The following ABLIM1 variants were observed in gnomAD, a reference collection of about 807,000 sequenced individuals.
ABLIM1 encodes actin-binding LIM protein 1.
In ABLIM1, 40 loss-of-function variants were observed where a neutral mutation model predicts 107.0. That is an observed-to-expected ratio of 0.37 (90% CI 0.29 to 0.49). The LOEUF is 0.49. ABLIM1 is among the 20% of genes least tolerant of loss of function. The pLI, the probability that ABLIM1 is intolerant of heterozygous loss-of-function variation, is 0.97. For synonymous variants in ABLIM1, 357 were observed against 357.3 expected, an observed-to-expected ratio of 1.00 and a Z score of 0.01; for missense variants, 857 against 1,008.5, an observed-to-expected ratio of 0.85 and a Z score of 2.04.
rs116617044 is a variant in ABLIM1 at position 114,521,845 on chromosome 10, A to C, written c.894+23160T>G. Reference sequence around the variant, plus strand: ...AGTGACAGATACTAGACATGGATACAAGCAGATAAGAATTCCAGATAGTCG... The same window carrying C: ...AGTGACAGATACTAGACATGGATACCAGCAGATAAGAATTCCAGATAGTCG... On this transcript the variant is annotated intron_variant, in intron 6 of 22. Coordinates refer to ENST00000533213, the MANE Select transcript of ABLIM1 (RefSeq NM_002313.7). 3.6e-3 allele frequency among the ~76,000 whole-genome samples: 555 copies of C among 152,320 alleles called. 4 individuals carry two copies. Among genetic ancestry groups the C allele is most frequent in the African/African-American group, 0.012 (519 of 41,570 alleles).
chr10:114,771,522 A>G (rs975966188), upstream of ABLIM1, among the ~76,000 whole-genome samples: 4 of 152,208 alleles, frequency 2.6e-5, no homozygotes, highest in African/African-American at 9.6e-5. Context: ...GAGTTGTGAT[A>G]TATGGAAATG....
intron 1 of ABLIM1, among the ~76,000 whole-genome samples, chr10:114,708,466 A>G (rs899321878): frequency 2.6e-5 from 4 of 152,136 alleles, no homozygotes; most frequent in Non-Finnish European, 4.4e-5. Context: ...TGGGACCCCA[A>G]AACTACATGG....
intron 1 of ABLIM1, among the ~76,000 whole-genome samples, chr10:114,730,127 G>A (rs990657496): frequency 1.3e-5 from 2 of 152,126 alleles, no homozygotes; most frequent in African/African-American, 2.4e-5. Context: ...GCTGGGTGTG[G>A]TGGCTCACGC....
At chr10:114,453,520 A>G in intron 12 of ABLIM1, 37 bp from the exon 13 acceptor site, 1 of 1,464,484 alleles carries the variant, frequency 6.8e-7, no homozygotes, top group Non-Finnish European at 9.2e-7. Flanking sequence ...AAATGAGAGA[A>G]GGGAGAGAGA....
chr10:114,490,199 G>A (rs923592988), intron 7 of ABLIM1, among the ~76,000 whole-genome samples: 3 of 152,212 alleles, frequency 2.0e-5, no homozygotes, highest in African/African-American at 7.2e-5. Flanking sequence ...TTGGGAAAAC[G>A]TGTCATATAA....
chr10:114,584,672 T>G (rs1445075883), intron 2 of ABLIM1, among the ~76,000 whole-genome samples: 1 of 152,156 alleles, frequency 6.6e-6, no homozygotes, highest in Non-Finnish European at 1.5e-5. Flanking sequence ...AAAAACATAT[T>G]TTAAGAGTGT....
At chr10:114,713,929 T>C (rs2081606428) in intron 1 of ABLIM1, among the ~76,000 whole-genome samples, 1 of 152,164 alleles carries the variant, frequency 6.6e-6, no homozygotes, top group Non-Finnish European at 1.5e-5. Context: ...GGAAGCTGAC[T>C]CCAACCCTGT....
chr10:114,690,735 G>A, intron 1 of ABLIM1: 1 of 372,692 alleles, frequency 2.7e-6, no homozygotes, highest in Non-Finnish European at 4.9e-6. Context: ...AAGCTGGAGT[G>A]CAGTGGTGCG....
At chr10:114,526,877 C>G in intron 6 of ABLIM1, 1 of 985,494 alleles carries the variant, frequency 1.0e-6, no homozygotes, top group East Asian at 1.1e-4. Flanking sequence ...ACTCCGGAAA[C>G]CAGCCCCGTG....
intron 1 of ABLIM1, among the ~76,000 whole-genome samples, chr10:114,654,017 C>T (rs146296741): frequency 1.3e-5 from 2 of 152,358 alleles, no homozygotes; most frequent in South Asian, 2.1e-4. Context: ...GCTGCAGCAT[C>T]GTGAGATCTT....
chr10:114,788,518 AGGAGTT>A, the ABLIM1 span, among the ~76,000 whole-genome samples: 2 of 151,992 alleles, frequency 1.3e-5, no homozygotes, highest in Non-Finnish European at 2.9e-5. Flanking sequence ...ACCTGAGGTC[AGGAGTT>A]TGAGACCAGC....
chr10:114,624,943 A>T (rs942882973), intron 1 of ABLIM1, among the ~76,000 whole-genome samples: 11 of 152,156 alleles, frequency 7.2e-5, no homozygotes, highest in African/African-American at 2.7e-4. Context: ...CAAGCAGAAT[A>T]TGATGACAAA....
chr10:114,571,561 G>A (rs1297968456), intron 3 of ABLIM1, among the ~76,000 whole-genome samples, 155 bp from the exon 4 acceptor site: 1 of 152,126 alleles, frequency 6.6e-6, no homozygotes, highest in Non-Finnish European at 1.5e-5. Flanking sequence ...CAGCCAGCTG[G>A]AGACAGTCCA....
chr10:114,535,562 G>A (rs773896352), intron 6 of ABLIM1, among the ~76,000 whole-genome samples: 21 of 152,176 alleles, frequency 1.4e-4, no homozygotes, highest in Non-Finnish European at 2.6e-4. Context: ...CTCCCACCTC[G>A]GCCTCCCAAA....
At chr10:114,657,488 T>C (rs2079578222) in intron 1 of ABLIM1, among the ~76,000 whole-genome samples, 1 of 152,216 alleles carries the variant, frequency 6.6e-6, no homozygotes, top group South Asian at 2.1e-4. Flanking sequence ...TAAAACACTT[T>C]CTTTTTATTT....
the ABLIM1 span, among the ~76,000 whole-genome samples, chr10:114,798,693 C>G: frequency 1.3e-5 from 2 of 151,704 alleles, no homozygotes; most frequent in Non-Finnish European, 2.9e-5. Flanking sequence ...GTGAGCTATG[C>G]TCATGCCACT....
intron 12 of ABLIM1, among the ~76,000 whole-genome samples, chr10:114,460,338 C>T (rs935947937): frequency 4.6e-5 from 7 of 152,190 alleles, no homozygotes; most frequent in African/African-American, 7.2e-5. Context: ...CGGTGGCTCA[C>T]GCCTGTAATC....
intron 1 of ABLIM1, among the ~76,000 whole-genome samples, chr10:114,695,598 A>C (rs2081178300): frequency 6.6e-6 from 1 of 152,238 alleles, no homozygotes; most frequent in Admixed American, 6.5e-5. Flanking sequence ...TGAGACACAG[A>C]GAGCCAATGA....
intron 1 of ABLIM1, among the ~76,000 whole-genome samples, chr10:114,746,462 A>G (rs937681561): frequency 1.3e-5 from 2 of 152,214 alleles, no homozygotes; most frequent in African/African-American, 4.8e-5. Flanking sequence ...ATGTACGTAT[A>G]CCACGTCTTT....
Sources: allele counts gnomAD v4.1 joint callset (sites outside exome capture counted in the v4.1 genomes callset), GRCh38; gene constraint gnomAD v4.1.1; transcripts MANE v1.5; gene names NCBI Gene and HGNC (gene_info 2026-07-23, HGNC 2026-07-21).